The following HECW2 variants were observed in gnomAD, a reference collection of about 807,000 sequenced individuals.
The protein encoded by HECW2 is HECT, C2 and WW domain containing E3 ubiquitin protein ligase 2.
In HECW2, 61 loss-of-function variants were observed where a neutral mutation model predicts 175.2. The ratio of observed to expected loss-of-function variants is 0.35; its 90% confidence interval spans 0.28 to 0.43. HECW2 has a LOEUF of 0.43. Among genes scored for constraint, HECW2 ranks in the 20% least tolerant of loss-of-function variants. HECW2 has a pLI of 1.00. For missense variants in HECW2, 1,524 were observed against 2,000.5 expected (o/e 0.76, Z 4.54); for synonymous variants, 671 against 731.0 (o/e 0.92, Z 1.32).
At chr2:196,332,746 T>A (rs1489513435) in intron 4 of HECW2, among the ~76,000 whole-genome samples, 1 of 152,244 alleles carries the variant, frequency 6.6e-6, no homozygotes, top group Non-Finnish European at 1.5e-5. Flanking sequence ...ATGATTTTTT[T>A]AAAGATTTTA....
Position 196,273,049 on chromosome 2 carries a change from A to ATTTTTTTTTTTTTTTTTTTTTT in HECW2, c.3238+950_3238+971dup, listed in dbSNP as rs778348590. Among the ~76,000 whole-genome samples, 14 of 113,118 alleles carry ATTTTTTTTTTTTTTTTTTTTTT rather than the reference A, an allele frequency of 1.2e-4. 1 individual carries two copies. The highest frequency in any genetic ancestry group is 4.3e-3 in the Middle Eastern group (1 of 234). 74.2% of individuals were successfully genotyped at this position (113,118 alleles called of 152,430 possible). On this transcript the variant is annotated intron_variant, in intron 16 of 28. Transcript: ENST00000644978. ...CAAAGATAAATGGAGAGCTGGTCTA[A>ATTTTTTTTTTTTTTTTTTTTTT]TTTTTTTTTTTTTTTTTTTTTTTTT...
At chr2:196,451,169 T>C (rs1696333491) in intron 1 of HECW2, among the ~76,000 whole-genome samples, 1 of 151,914 alleles carries the variant, frequency 6.6e-6, no homozygotes, top group South Asian at 2.1e-4. Flanking sequence ...GGCACAGTGG[T>C]TCATGTCTGT....
At position 196,402,044 on chromosome 2, in the gene HECW2, CA is replaced by C. The variant is rs1447331980; in HGVS notation, c.292+31087del. On this transcript the variant is annotated intron_variant, in intron 2 of 28. Transcript: ENST00000644978. ...TGAAACCGTGTCTCTACTAAAAATA[CA>C]AAAAAATTAGCCGGACGTGGTGGCG... Among the ~76,000 whole-genome samples, 7 of 151,206 alleles carry C rather than the reference CA, an allele frequency of 4.6e-5. No individual in the cohort carries two copies. The South Asian group carries it at 8.4e-4, about 18-fold the overall frequency.
At chr2:196,434,566 AG>A (rs1695814736) in intron 1 of HECW2, among the ~76,000 whole-genome samples, 1 of 152,212 alleles carries the variant, frequency 6.6e-6, no homozygotes, top group Non-Finnish European at 1.5e-5. Context: ...TCTATCTACC[AG>A]CGCCTTACCT....
At chr2:196,271,034 A>G (rs1243257588) in intron 17 of HECW2, among the ~76,000 whole-genome samples, 159 bp downstream of exon 17, 1 of 152,306 alleles carries the variant, frequency 6.6e-6, no homozygotes, top group Non-Finnish European at 1.5e-5. Flanking sequence ...AGAAGCCAGC[A>G]CTACAATACC....
At chr2:196,295,555 G>A (rs902509045) in intron 13 of HECW2, among the ~76,000 whole-genome samples, 1 of 152,178 alleles carries the variant, frequency 6.6e-6, no homozygotes, top group Non-Finnish European at 1.5e-5. Flanking sequence ...GGATAATTCT[G>A]TCGGATAAAT....
chr2:196,343,502 T>C (rs1164854315), intron 3 of HECW2, among the ~76,000 whole-genome samples, 155 bp downstream of exon 3: 1 of 152,258 alleles, frequency 6.6e-6, no homozygotes, highest in Non-Finnish European at 1.5e-5. Flanking sequence ...CATTCTTTAC[T>C]GAGCATTTTC....
At chr2:196,470,934 T>A (rs1406386371) in intron 1 of HECW2, among the ~76,000 whole-genome samples, 2 of 128,052 alleles carry the variant, frequency 1.6e-5, no homozygotes, top group Non-Finnish European at 1.7e-5. Flanking sequence ...TTACAGAAAA[T>A]AAAATCAAAA....
chr2:196,556,172 T>C (rs960036291), intron 1 of HECW2, among the ~76,000 whole-genome samples: 1 of 152,204 alleles, frequency 6.6e-6, no homozygotes, highest in Non-Finnish European at 1.5e-5. Context: ...TGAGGTATAA[T>C]TGACAAATGA....
chr2:196,510,619 C>T (rs1213916467), intron 1 of HECW2, among the ~76,000 whole-genome samples: 2 of 151,954 alleles, frequency 1.3e-5, no homozygotes, highest in Non-Finnish European at 2.9e-5. Context: ...AGTCTTCCAT[C>T]CCTCAATACT....
intron 1 of HECW2, among the ~76,000 whole-genome samples, chr2:196,572,733 C>T (rs1371801155): frequency 6.6e-6 from 1 of 152,062 alleles, no homozygotes; most frequent in African/African-American, 2.4e-5. Flanking sequence ...TTCATGACTG[C>T]GATTAGTATC....
At chr2:196,267,378 T>C (rs1689557081) in intron 17 of HECW2, among the ~76,000 whole-genome samples, 1 of 152,216 alleles carries the variant, frequency 6.6e-6, no homozygotes, top group Admixed American at 6.5e-5. Flanking sequence ...TTTTCAGCTT[T>C]TATTTTAGTG....
At chr2:196,458,529 C>T (rs1456790845) in intron 1 of HECW2, among the ~76,000 whole-genome samples, 1 of 151,972 alleles carries the variant, frequency 6.6e-6, no homozygotes, top group African/African-American at 2.4e-5. Flanking sequence ...TCATACAAGA[C>T]TCTAAAAAGC....
chr2:196,542,815 C>A (rs1457828518), intron 1 of HECW2, among the ~76,000 whole-genome samples: 1 of 149,152 alleles, frequency 6.7e-6, no homozygotes, highest in African/African-American at 2.5e-5. Flanking sequence ...AAAGACATAT[C>A]TATATATAAT....
intron 21 of HECW2, among the ~76,000 whole-genome samples, chr2:196,231,167 A>G (rs12471278): frequency 0.08 from 11,983 of 149,564 alleles, 996 homozygotes; most frequent in African/African-American, 0.2. Flanking sequence ...ACTTTTTGAG[A>G]CTTAGTCCCC....
chr2:196,221,049 C>T (rs1687647780), intron 24 of HECW2, 108 bp from the exon 25 acceptor site: 1 of 1,182,590 alleles, frequency 8.5e-7, no homozygotes. Context: ...CAGCCCTGCC[C>T]TAGGCACATC....
chr2:196,519,780 G>A (rs1482657158), intron 1 of HECW2, among the ~76,000 whole-genome samples: 1 of 152,118 alleles, frequency 6.6e-6, no homozygotes, highest in East Asian at 1.9e-4. Flanking sequence ...TACATTACCT[G>A]GAATTTACTT....
intron 18 of HECW2, among the ~76,000 whole-genome samples, chr2:196,257,279 A>G (rs1356271109): frequency 4.7e-5 from 7 of 148,226 alleles, no homozygotes; most frequent in South Asian, 2.1e-4. Flanking sequence ...TTGGAGGGTG[A>G]GGGGCGGGGG....
At chr2:196,531,580 T>A (rs1475858619) in intron 1 of HECW2, among the ~76,000 whole-genome samples, 1 of 151,562 alleles carries the variant, frequency 6.6e-6, no homozygotes, top group Non-Finnish European at 1.5e-5. Flanking sequence ...GAGAATCACT[T>A]GAACCCGGTA....
Sources: allele counts gnomAD v4.1 joint callset (sites outside exome capture counted in the v4.1 genomes callset), GRCh38; gene constraint gnomAD v4.1.1; transcripts MANE v1.5; gene names NCBI Gene and HGNC (gene_info 2026-07-23, HGNC 2026-07-21).